BLOC1S5: variants seen among roughly 807,000 people sequenced by gnomAD.
BLOC1S5 encodes biogenesis of lysosome-related organelles complex 1 subunit 5.
In BLOC1S5, 27 loss-of-function variants were observed where a neutral mutation model predicts 24.3. The observed-to-expected ratio is 1.11, with a 90% confidence interval of 0.82 to 1.53. The LOEUF (loss-of-function observed/expected upper bound fraction) is 1.53, where lower values mean the gene tolerates loss of function less well. Among genes scored for constraint, BLOC1S5 ranks in the 40% most tolerant of loss-of-function variants. The pLI is 0.00. For missense variants in BLOC1S5, 239 were observed against 229.4 expected (o/e 1.04, Z -0.27); for synonymous variants, 84 against 74.5 (o/e 1.13, Z -0.66).
At chr6:8,062,154 T>C (rs1176797252) in intron 2 of BLOC1S5, among the ~76,000 whole-genome samples, 2 of 152,182 alleles carry the variant, frequency 1.3e-5, no homozygotes, top group African/African-American at 4.8e-5. Flanking sequence ...AATCCTTAAG[T>C]TTTAATTTGA....
At chr6:8,052,214 G>A (rs1052837496) in intron 2 of BLOC1S5, among the ~76,000 whole-genome samples, 4 of 152,002 alleles carry the variant, frequency 2.6e-5, no homozygotes, top group South Asian at 2.1e-4. Flanking sequence ...TGATCCACCC[G>A]CCTCGGCCTC....
At chr6:8,055,886 T>C (rs111752059) in intron 2 of BLOC1S5, among the ~76,000 whole-genome samples, 274 of 152,304 alleles carry the variant, frequency 1.8e-3, no homozygotes, top group African/African-American at 6.3e-3. Context: ...CCCCCAAAAC[T>C]GTGTGCTGGA....
chr6:8,016,577 C>CTAGT (rs1762742639), intron 4 of BLOC1S5, among the ~76,000 whole-genome samples: 1 of 152,076 alleles, frequency 6.6e-6, no homozygotes, highest in East Asian at 1.9e-4. Context: ...CTCGAGAAAT[C>CTAGT]TCTTCTGGGA....
chr6:8,042,622 GA>G (rs1305741141), intron 2 of BLOC1S5, among the ~76,000 whole-genome samples: 1 of 149,412 alleles, frequency 6.7e-6, no homozygotes, highest in Non-Finnish European at 1.5e-5. Flanking sequence ...AACATTATGA[GA>G]TTTTTTTGTG....
chr6:8,060,411 T>G (rs944465584), intron 2 of BLOC1S5, among the ~76,000 whole-genome samples: 1 of 152,144 alleles, frequency 6.6e-6, no homozygotes, highest in Non-Finnish European at 1.5e-5. Flanking sequence ...TGGAGTGCGC[T>G]TTCCATGTAA....
chr6:8,028,979 C>T (rs550327679), intron 3 of BLOC1S5, among the ~76,000 whole-genome samples: 3 of 152,008 alleles, frequency 2.0e-5, no homozygotes, highest in South Asian at 2.1e-4. Flanking sequence ...AAAAAAAAGT[C>T]AAGAATTTAT....
intron 3 of BLOC1S5, among the ~76,000 whole-genome samples, chr6:8,032,914 G>T (rs6903684): frequency 0.6 from 91,499 of 151,934 alleles, 28,382 homozygotes; most frequent in East Asian, 0.91. Context: ...GGAATCCAAC[G>T]TATAAGGGAT....
At chr6:8,057,270 T>C (rs578083746) in intron 2 of BLOC1S5, among the ~76,000 whole-genome samples, 2 of 152,160 alleles carry the variant, frequency 1.3e-5, no homozygotes, top group South Asian at 2.1e-4. Context: ...AAAAAACCCA[T>C]GACACTATTA....
chr6:8,047,834 T>A lies in BLOC1S5; in HGVS notation c.196-6566A>T, dbSNP rs147012376. 7.7e-3 allele frequency among the ~76,000 whole-genome samples: 1,178 copies of A among 152,342 alleles called. 14 individuals are homozygous for A. Among genetic ancestry groups the A allele is most frequent in the African/African-American group, 0.026 (1,096 of 41,574 alleles). The stretch of plus-strand genomic sequence containing the variant: ...CATGGGTTGTATACTCTCAACAGCA[T>A]CTTGGTAGCATTCTGTCTTTGTTTA... On this transcript the variant is annotated intron_variant, in intron 2 of 4. Coordinates refer to ENST00000397457, the MANE Select transcript of BLOC1S5 (RefSeq NM_201280.3).
Position 8,015,172 on chromosome 6 carries a change from C to CT in BLOC1S5, c.*476dup, listed in dbSNP as rs3832427. 0.64 allele frequency: 95,397 copies of CT among 149,828 alleles called. 30,381 individuals are homozygous for CT. The highest frequency in any genetic ancestry group is 0.83 in the East Asian group (4,279 of 5,142). 9.3% of individuals were successfully genotyped at this position (149,828 alleles called of 1,614,324 possible). A position where few individuals can be genotyped will look rare whatever the true frequency, so the allele number is the denominator to read the frequency against. On this transcript the variant is annotated 3_prime_UTR_variant, in exon 5 of 5. Transcript: ENST00000397457. The stretch of plus-strand genomic sequence containing the variant: ...TGATCTCTGCTCCAAGGACAGCTGG[C>CT]TTTTTTTTTTGTCTACATTACTCAT...
intron 3 of BLOC1S5, among the ~76,000 whole-genome samples, chr6:8,030,277 AGC>A (rs1311738624): frequency 6.6e-6 from 1 of 151,940 alleles, no homozygotes; most frequent in East Asian, 2.0e-4. Flanking sequence ...CTCCTGCCTC[AGC>A]CTCCTGAGTA....
intron 2 of BLOC1S5, among the ~76,000 whole-genome samples, chr6:8,050,808 T>C (rs1764082949): frequency 6.6e-6 from 1 of 151,816 alleles, no homozygotes; most frequent in African/African-American, 2.4e-5. Context: ...TTTCGCCATG[T>C]TGGCCAGGCT....
At chr6:8,050,601 CTTT>C (rs35623258) in intron 2 of BLOC1S5, among the ~76,000 whole-genome samples, 4 of 137,802 alleles carry the variant, frequency 2.9e-5, no homozygotes, top group Admixed American at 2.2e-4. Flanking sequence ...GGAAAAGAAA[CTTT>C]TTTTTTTTTT....
chr6:8,048,710 T>C (rs1041213739), intron 2 of BLOC1S5, among the ~76,000 whole-genome samples: 4 of 152,180 alleles, frequency 2.6e-5, no homozygotes, highest in Admixed American at 6.6e-5. Flanking sequence ...TCATTGTGCC[T>C]TGAAATTATG....
chr6:8,064,131 C>T (rs1757361616), intron 1 of BLOC1S5, 134 bp downstream of exon 1: 4 of 656,584 alleles, frequency 6.1e-6, no homozygotes, highest in Non-Finnish European at 9.8e-6. Flanking sequence ...CGGGGACCGA[C>T]CACGACTCCC....
At chr6:8,039,855 A>C (rs1763619095) in intron 3 of BLOC1S5, among the ~76,000 whole-genome samples, 1 of 152,216 alleles carries the variant, frequency 6.6e-6, no homozygotes, top group Non-Finnish European at 1.5e-5. Context: ...CTAAAACCAC[A>C]AATATGGAAT....
rs866149724 is a variant in BLOC1S5, at chr6:8,013,937, G to C, written c.*1712C>G. 6.6e-6 allele frequency: 1 copy of C among 152,154 alleles called. No homozygotes were observed. The highest frequency in any genetic ancestry group is 1.5e-5 in the Non-Finnish European group (1 of 68,038). 9.4% of individuals were successfully genotyped at this position (152,154 alleles called of 1,614,324 possible). On this transcript the variant is annotated 3_prime_UTR_variant, in exon 5 of 5. Coordinates refer to ENST00000397457, the MANE Select transcript of BLOC1S5 (RefSeq NM_201280.3). ...AAGCCTACAGTAGCGGATAGAGAAAGTTGGCAGAAGTTCAGTGTTATTGAA... is the reference window on the plus strand; with the variant it reads ...AAGCCTACAGTAGCGGATAGAGAAACTTGGCAGAAGTTCAGTGTTATTGAA...
chr6:8,062,352 C>A (rs1757296558), intron 2 of BLOC1S5, among the ~76,000 whole-genome samples, 182 bp downstream of exon 2: 2 of 152,058 alleles, frequency 1.3e-5, no homozygotes, highest in South Asian at 4.1e-4. Context: ...ATGTATCCTG[C>A]TGTTTAGTAT....
In BLOC1S5 at chr6:8,026,370, T is replaced by C. The variant is rs779117511; in HGVS notation, c.381A>G (p.Lys127=). ...CATTATCTAAATGATCTTTTACCTTTTTTCGTTCCTGTTCCCTCTGTTGGA... is the reference window on the plus strand; with the variant it reads ...CATTATCTAAATGATCTTTTACCTTCTTTCGTTCCTGTTCCCTCTGTTGGA... ...CRLQQREQER[K]KIHSDHLVAS... Residue 127 remains lysine (K), a synonymous_variant, in exon 4 of 5, where the codon AAA becomes AAG. Coordinates refer to ENST00000397457, the MANE Select transcript of BLOC1S5 (RefSeq NM_201280.3). The C allele has an allele frequency of 6.2e-7, 1 of 1,606,902 alleles. No individual in the cohort carries two copies. The highest frequency in any genetic ancestry group is 2.2e-5 in the East Asian group (1 of 44,830).
Sources: allele counts gnomAD v4.1 joint callset (sites outside exome capture counted in the v4.1 genomes callset), GRCh38; gene constraint gnomAD v4.1.1; transcripts MANE v1.5; gene names NCBI Gene and HGNC (gene_info 2026-07-23, HGNC 2026-07-21).